FAM153A: variants seen among roughly 807,000 people sequenced by gnomAD.
The protein encoded by FAM153A is family with sequence similarity 153 member A.
A neutral mutation model predicts 48.1 loss-of-function variants in FAM153A; 12 were observed. The ratio of observed to expected loss-of-function variants is 0.25; its 90% confidence interval spans 0.16 to 0.40. The LOEUF (loss-of-function observed/expected upper bound fraction) is 0.40. Ranked by LOEUF, FAM153A falls within the 10% of genes least tolerant of loss-of-function variation. The probability of loss-of-function intolerance (pLI) is 1.00; values close to 1 mark genes in which losing one functional copy is unlikely to be tolerated. For synonymous variants in FAM153A, 36 were observed against 118.2 expected, an observed-to-expected ratio of 0.30 and a Z score of 4.51; for missense variants, 111 against 345.8, an observed-to-expected ratio of 0.32 and a Z score of 5.38.
chr5:177,695,256 CTT>C, the FAM153A span, among the ~76,000 whole-genome samples: 7 of 144,746 alleles, frequency 4.8e-5, no homozygotes, highest in Non-Finnish European at 9.1e-5. Context: ...ATCTGTGACT[CTT>C]TTTAAGCTAT....
chr5:177,757,741 A>C (rs1196686665), upstream of FAM153A, among the ~76,000 whole-genome samples: 1 of 151,360 alleles, frequency 6.6e-6, no homozygotes, highest in South Asian at 2.1e-4. Flanking sequence ...TGATTATCTC[A>C]ATAGATGCAG....
downstream of FAM153A, among the ~76,000 whole-genome samples, chr5:177,707,607 G>A (rs909166863): frequency 1.3e-5 from 2 of 150,718 alleles, no homozygotes; most frequent in Admixed American, 6.7e-5. Flanking sequence ...GAAAGGTGAC[G>A]TCCCTGATTA....
intron 1 of FAM153A, among the ~76,000 whole-genome samples, chr5:177,758,925 C>T (rs1303023509): frequency 2.0e-5 from 3 of 151,622 alleles, no homozygotes; most frequent in Non-Finnish European, 4.4e-5. Context: ...GCAAGGACTT[C>T]ATGTCTAAAA....
intron 1 of FAM153A, among the ~76,000 whole-genome samples, chr5:177,768,854 T>G (rs374534579): frequency 0.023 from 2,140 of 94,578 alleles, 165 homozygotes; most frequent in Middle Eastern, 0.036. Context: ...AAGGCCTGAC[T>G]ATCTAGGATC....
the FAM153A span, among the ~76,000 whole-genome samples, chr5:177,694,871 C>A: frequency 6.6e-6 from 1 of 150,768 alleles, no homozygotes; most frequent in Non-Finnish European, 1.5e-5. Context: ...CTAATTAGGA[C>A]TCCACATAAT....
upstream of FAM153A, among the ~76,000 whole-genome samples, chr5:177,753,805 A>C (rs1487973401): frequency 6.6e-6 from 1 of 151,714 alleles, no homozygotes. Flanking sequence ...TTTAAGAACT[A>C]TTAAATCAAA....
chr5:177,701,489 C>T, the FAM153A span, among the ~76,000 whole-genome samples: 1 of 151,762 alleles, frequency 6.6e-6, no homozygotes, highest in Admixed American at 6.6e-5. Flanking sequence ...TGCTTGAACC[C>T]AGGAGGTGGA....
At chr5:177,714,603 CA>C (rs1323221997) in intron 25 of FAM153A, among the ~76,000 whole-genome samples, 5 of 75,628 alleles carry the variant, frequency 6.6e-5, no homozygotes, top group Non-Finnish European at 1.0e-4. Context: ...AAGTTTACAA[CA>C]AGGGTGTACA....
intron 25 of FAM153A, among the ~76,000 whole-genome samples, chr5:177,715,528 C>A (rs1186664843): frequency 6.6e-6 from 1 of 150,894 alleles, no homozygotes; most frequent in Non-Finnish European, 1.5e-5. Context: ...ATTTTTTTTC[C>A]AATCCAAGCA....
At chr5:177,757,725 A>T (rs879976486), upstream of FAM153A, among the ~76,000 whole-genome samples, 1,887 of 150,382 alleles carry the variant, frequency 0.013, 62 homozygotes, top group African/African-American at 0.045. Flanking sequence ...AAAGACAAAA[A>T]CCACATGATT....
intron 18 of FAM153A, among the ~76,000 whole-genome samples, chr5:177,725,426 C>G (rs1377453452): frequency 6.8e-6 from 1 of 147,148 alleles, no homozygotes; most frequent in African/African-American, 2.6e-5. Flanking sequence ...ACCTTAGAGA[C>G]TTGGAAAATA....
exon 21 of FAM153A, chr5:177,723,561 C>A (rs1454059048): frequency 1.2e-5 from 2 of 163,204 alleles, no homozygotes; most frequent in Non-Finnish European, 2.7e-5. Flanking sequence ...CCACCCCAGG[C>A]CCCCACAGAG....
upstream of FAM153A, among the ~76,000 whole-genome samples, chr5:177,754,235 A>T: frequency 6.6e-6 from 1 of 152,022 alleles, no homozygotes; most frequent in Non-Finnish European, 1.5e-5. Context: ...AGCCTCGCTC[A>T]TTGCTAGCAC....
At chr5:177,781,446 A>G (rs1289338166), upstream of FAM153A, 1 of 116,400 alleles carries the variant, frequency 8.6e-6, no homozygotes, top group African/African-American at 3.2e-5. Flanking sequence ...ATGTCATTAC[A>G]ATAGTAAAAG....
the FAM153A span, among the ~76,000 whole-genome samples, chr5:177,700,431 T>C: frequency 1.6e-4 from 24 of 151,880 alleles, no homozygotes; most frequent in Non-Finnish European, 2.8e-4. Flanking sequence ...ATATAGAAAA[T>C]CCTAAGGCAT....
At chr5:177,713,294 A>G (rs1367174053) in intron 26 of FAM153A, 1 of 134,260 alleles carries the variant, frequency 7.4e-6, no homozygotes, top group African/African-American at 2.8e-5. Flanking sequence ...TCTGTTGCCT[A>G]GGCTGGAGTG....
upstream of FAM153A, among the ~76,000 whole-genome samples, chr5:177,781,900 T>G (rs1234695313): frequency 1.1e-5 from 1 of 89,810 alleles, no homozygotes; most frequent in African/African-American, 4.1e-5. Flanking sequence ...TTTTTTTTTT[T>G]TTGTATTTTT....
At chr5:177,737,201 G>A in intron 10 of FAM153A, 89 bp from the exon 13 acceptor site, 2 of 1,546,560 alleles carry the variant, frequency 1.3e-6, no homozygotes, top group Non-Finnish European at 1.8e-6. Flanking sequence ...GCTGGCGTGT[G>A]TGGAAAGGTG....
rs1340495163 is a variant in FAM153A at position 177,749,515 on chromosome 5, AAAT to A, written c.176-819_176-817del. Among the ~76,000 whole-genome samples the A allele has an allele frequency of 2.0e-5, 2 of 101,002 alleles. 1 individual carries two copies. The allele number at this position is 101,002 out of a possible 152,430, so 66.3% of individuals were successfully genotyped here. ...CTTGCTGATCCCATAATCATTAAGA[AAAT>A]AATAACAGAATACTTTCAACAAATC... On this transcript the variant is annotated intron_variant, in intron 2 of 20. Transcript: ENST00000614127.
Sources: gnomAD v4.1 joint callset for allele counts (sites outside exome capture counted in the v4.1 genomes callset) on GRCh38, gnomAD v4.1.1 for gene constraint, MANE v1.5 for transcripts, NCBI Gene and HGNC (gene_info 2026-07-23, HGNC 2026-07-21) for gene names.